The following FRAS1 variants were observed in gnomAD, a reference collection of about 807,000 sequenced individuals.
The protein encoded by FRAS1 is Fraser extracellular matrix complex subunit 1.
In FRAS1, 290 loss-of-function variants were observed where a neutral mutation model predicts 435.2. The ratio of observed to expected loss-of-function variants is 0.67; its 90% CI spans 0.61 to 0.73. The LOEUF (loss-of-function observed/expected upper bound fraction) is 0.73, where lower values mean the gene tolerates loss of function less well. Among genes scored for constraint, FRAS1 ranks in the 30% least tolerant of loss-of-function variants. FRAS1 has a pLI of 0.00. For synonymous variants in FRAS1, 1,800 were observed against 1,851.0 expected, an observed-to-expected ratio of 0.97 and a Z score of 0.71; for missense variants, 4,860 against 5,001.5, an observed-to-expected ratio of 0.97 and a Z score of 0.85.
chr4:78,159,220 C>T lies in FRAS1; in HGVS notation c.109-78290C>T, dbSNP rs181687579. Among the ~76,000 whole-genome samples the T allele has an allele frequency of 6.3e-4, 96 of 152,266 alleles. 1 individual carries two copies. The highest frequency in any genetic ancestry group is 6.8e-3 in the Middle Eastern group (2 of 294). ...GCTATCAAATTGGAATATAAACTAA[C>T]TCCTTTGAAGCGCCACTGGAGGGGA... On this transcript the variant is annotated intron_variant, in intron 2 of 73. Coordinates refer to ENST00000512123, the MANE Select transcript of FRAS1 (RefSeq NM_025074.7).
At chr4:78,127,026 G>A (rs1719399091) in intron 2 of FRAS1, among the ~76,000 whole-genome samples, 1 of 152,120 alleles carries the variant, frequency 6.6e-6, no homozygotes, top group Admixed American at 6.6e-5. Flanking sequence ...TAGGCACCAG[G>A]ATAGAACTTT....
intron 2 of FRAS1, among the ~76,000 whole-genome samples, chr4:78,115,684 T>A (rs892708056): frequency 2.0e-5 from 3 of 152,070 alleles, no homozygotes; most frequent in African/African-American, 7.2e-5. Context: ...TATCCACTTT[T>A]TCATTTTTTA....
chr4:78,132,218 G>C lies in FRAS1; in HGVS notation c.108+66202G>C, dbSNP rs1055406798. ...GAGGATTTAGAAGTCAGGAAGGGCAGCCAGTACTATTGACTTTTACTTCAG... is the reference window on the plus strand; with the variant it reads ...GAGGATTTAGAAGTCAGGAAGGGCACCCAGTACTATTGACTTTTACTTCAG... On this transcript the variant is annotated intron_variant, in intron 2 of 73. Coordinates refer to ENST00000512123, the MANE Select transcript of FRAS1 (RefSeq NM_025074.7). Among the ~76,000 whole-genome samples, 9 of 152,278 alleles carry C rather than the reference G, an allele frequency of 5.9e-5. 1 individual carries two copies. The highest frequency in any genetic ancestry group is 2.2e-4 in the African/African-American group (9 of 41,542).
chr4:78,455,834 T>C (rs996612633), intron 47 of FRAS1, among the ~76,000 whole-genome samples: 3 of 152,190 alleles, frequency 2.0e-5, no homozygotes, highest in Non-Finnish European at 4.4e-5. Context: ...CAAAAGACCC[T>C]GTTTTTCTTG....
chr4:78,274,554 G>T (rs1341413598), intron 9 of FRAS1, among the ~76,000 whole-genome samples: 1 of 152,116 alleles, frequency 6.6e-6, no homozygotes, highest in African/African-American at 2.4e-5. Context: ...CTTTATTTCT[G>T]CCTTCATTTT....
chr4:78,219,037 T>C (rs1723928953), intron 2 of FRAS1, among the ~76,000 whole-genome samples: 1 of 152,234 alleles, frequency 6.6e-6, no homozygotes. Context: ...TCAGCTCCAG[T>C]ATAATTCAGG....
At chr4:78,380,594 C>T (rs923016) in intron 27 of FRAS1, among the ~76,000 whole-genome samples, 96,312 of 152,058 alleles carry the variant, frequency 0.63, 30,638 homozygotes, top group African/African-American at 0.66. Context: ...CAAGCAAATA[C>T]AGCTATATAA....
intron 64 of FRAS1, 136 bp downstream of exon 64, chr4:78,511,642 A>C: frequency 1.3e-6 from 1 of 770,440 alleles, no homozygotes; most frequent in South Asian, 1.5e-5. Context: ...GTAAAAGTTT[A>C]AATCTGTGAA....
intron 4 of FRAS1, among the ~76,000 whole-genome samples, chr4:78,248,000 G>A (rs746279568): frequency 6.6e-6 from 1 of 152,190 alleles, no homozygotes; most frequent in African/African-American, 2.4e-5. Flanking sequence ...TAAGGGCTGC[G>A]TGAGAAGACT....
chr4:78,520,261 T>G (rs1353782931), intron 67 of FRAS1, among the ~76,000 whole-genome samples: 1 of 151,666 alleles, frequency 6.6e-6, no homozygotes, highest in African/African-American at 2.4e-5. Context: ...TTCTTGTTTT[T>G]TTTTTTTTCC....
intron 27 of FRAS1, among the ~76,000 whole-genome samples, chr4:78,381,403 C>T (rs4975164): frequency 0.63 from 95,754 of 151,486 alleles, 30,359 homozygotes; most frequent in African/African-American, 0.66. Flanking sequence ...TCTTGGGTTG[C>T]CTCAGCCTCC....
At chr4:78,095,872 C>T (rs1560518381) in intron 2 of FRAS1, among the ~76,000 whole-genome samples, 1 of 152,146 alleles carries the variant, frequency 6.6e-6, no homozygotes, top group Non-Finnish European at 1.5e-5. Context: ...TATCATTCCA[C>T]CCCGGCCCCT....
chr4:78,302,448 G>T (rs1450269555), intron 14 of FRAS1, among the ~76,000 whole-genome samples: 33 of 152,026 alleles, frequency 2.2e-4, no homozygotes, highest in East Asian at 7.8e-4. Flanking sequence ...TCCACAATGG[G>T]TGAACTAGTT....
intron 38 of FRAS1, 53 bp downstream of exon 38, chr4:78,432,657 G>T: frequency 6.7e-7 from 1 of 1,502,278 alleles, no homozygotes; most frequent in Non-Finnish European, 8.9e-7. Flanking sequence ...CTTCTGATGG[G>T]GCAGACTGGG....
intron 17 of FRAS1, 80 bp downstream of exon 17, chr4:78,317,588 C>T (rs1729330892): frequency 1.5e-6 from 2 of 1,314,970 alleles, no homozygotes; most frequent in Non-Finnish European, 2.1e-6. Context: ...ATATAACTTT[C>T]CAGTGTAACT....
chr4:78,432,509 G>C lies in FRAS1; in HGVS notation c.5122G>C (p.Asp1708His), dbSNP rs1324354850. The change falls in exon 38 of 74, where the codon GAC (aspartate) becomes CAC (histidine). Residue 1708 changes from aspartate (D) to histidine (H), a missense_variant. By Grantham distance (81) the Asp-to-His change is moderately conservative. Coordinates refer to ENST00000512123, the MANE Select transcript of FRAS1 (RefSeq NM_025074.7). ...GAGAGTAGAGGTGTCCCTGTCAGAA[G>C]ACCGAGGGCCTCGACTGGCTGCTGG... Reference protein sequence around the residue: ...EVRVEVSLSEDRGPRLAAGSS... With the variant: ...EVRVEVSLSEHRGPRLAAGSS... 2 of 1,613,156 alleles carry C rather than the reference G, an allele frequency of 1.2e-6. No homozygotes were observed. Among genetic ancestry groups the C allele is most frequent in the Middle Eastern group, 1.7e-4 (1 of 6,060 alleles).
At chr4:78,431,921 G>A (rs558534524) in intron 37 of FRAS1, among the ~76,000 whole-genome samples, 1 of 151,850 alleles carries the variant, frequency 6.6e-6, no homozygotes, top group South Asian at 2.1e-4. Flanking sequence ...CTTCTTAAAG[G>A]TTCATCAAGT....
chr4:78,103,793 T>TCC (rs954262849), intron 2 of FRAS1, among the ~76,000 whole-genome samples: 4 of 152,354 alleles, frequency 2.6e-5, no homozygotes, highest in East Asian at 3.9e-4. Context: ...ATCTGGGACT[T>TCC]CCAGCCTCCA....
At chr4:78,419,406 G>C (rs1332118098) in intron 33 of FRAS1, among the ~76,000 whole-genome samples, 1 of 152,154 alleles carries the variant, frequency 6.6e-6, no homozygotes, top group East Asian at 1.9e-4. Flanking sequence ...GCCTGCCCTA[G>C]TAAGGTTATG....
Sources: allele counts gnomAD v4.1 joint callset (sites outside exome capture counted in the v4.1 genomes callset), GRCh38; gene constraint gnomAD v4.1.1; transcripts MANE v1.5; gene names NCBI Gene and HGNC (gene_info 2026-07-23, HGNC 2026-07-21).